APBA2: variants seen among roughly 807,000 people sequenced by gnomAD.
APBA2 encodes the protein amyloid beta precursor protein binding family A member 2.
APBA2 carries 30 observed loss-of-function variants against 75.0 expected under a neutral mutation model. That is an observed-to-expected ratio of 0.40 (90% CI 0.30 to 0.54). APBA2 has a LOEUF of 0.54. Ranked by LOEUF, APBA2 falls within the 20% of genes least tolerant of loss-of-function variation. The pLI, the probability that APBA2 is intolerant of heterozygous loss-of-function variation, is 0.49. For missense variants in APBA2, 801 were observed against 1,016.1 expected, an observed-to-expected ratio of 0.79 and a Z score of 2.88; for synonymous variants, 444 against 409.6, an observed-to-expected ratio of 1.08 and a Z score of -1.01.
At chr15:28,944,096 G>C (rs745749367) in intron 2 of APBA2, among the ~76,000 whole-genome samples, 10 of 152,232 alleles carry the variant, frequency 6.6e-5, no homozygotes, top group Non-Finnish European at 1.5e-4. Flanking sequence ...CTGCAGCCAA[G>C]TGATCTTTTC....
rs546847204 is a variant in APBA2 at position 29,019,848 on chromosome 15, C to T, written c.-41+24042C>T. On this transcript the variant is annotated intron_variant, in intron 3 of 14. Coordinates refer to ENST00000683413, the MANE Select transcript of APBA2 (RefSeq NM_001353788.2). Reference sequence around the variant, plus strand: ...CTTCTCTAGGGGAGAGAGCAAGAAGCAGAAGTGCTGGCTGTCATCTGCATT... The same window carrying T: ...CTTCTCTAGGGGAGAGAGCAAGAAGTAGAAGTGCTGGCTGTCATCTGCATT... Among the ~76,000 whole-genome samples, 3 of 152,358 alleles carry T rather than the reference C, an allele frequency of 2.0e-5. No homozygotes were observed. The South Asian group carries it at 6.2e-4, about 32-fold the overall frequency.
At chr15:28,963,700 A>C (rs1380471145) in intron 2 of APBA2, among the ~76,000 whole-genome samples, 1 of 152,168 alleles carries the variant, frequency 6.6e-6, no homozygotes, top group Non-Finnish European at 1.5e-5. Context: ...CTTGTTTTTT[A>C]CTTTTTATTT....
chr15:29,117,264 T>C lies in APBA2; in HGVS notation c.*131T>C. The C allele has an allele frequency of 2.5e-6, 2 of 786,196 alleles. No individual in the cohort carries two copies. Among genetic ancestry groups the C allele is most frequent in the Admixed American group, 4.6e-5 (2 of 43,572 alleles). The allele number at this position is 786,196 out of a possible 1,614,324, so 48.7% of individuals were successfully genotyped here. On this transcript the variant is annotated 3_prime_UTR_variant, in exon 15 of 15. Transcript: ENST00000683413. ...ACGGACGCTGGCTCCCCAAAGGGTG[T>C]GCCCTCACCACCCACTTGATTTTTT...
At chr15:28,967,534 G>C (rs1387519875) in intron 2 of APBA2, among the ~76,000 whole-genome samples, 1 of 152,030 alleles carries the variant, frequency 6.6e-6, no homozygotes, top group Admixed American at 6.5e-5. Context: ...CGCCTCCCGG[G>C]TTCACACCAT....
chr15:29,034,919 A>G (rs1308627436), intron 3 of APBA2, among the ~76,000 whole-genome samples: 1 of 152,148 alleles, frequency 6.6e-6, no homozygotes, highest in Non-Finnish European at 1.5e-5. Flanking sequence ...GGGTGTTTGA[A>G]CTTTGGATTC....
intron 3 of APBA2, among the ~76,000 whole-genome samples, chr15:29,009,640 A>G (rs1445806874): frequency 6.8e-6 from 1 of 146,180 alleles, no homozygotes; most frequent in Non-Finnish European, 1.5e-5. Context: ...TATTTTTGCA[A>G]ATGTTTGAAT....
chr15:28,917,595 G>T (rs941600689), intron 1 of APBA2, among the ~76,000 whole-genome samples: 9 of 142,426 alleles, frequency 6.3e-5, no homozygotes, highest in South Asian at 2.1e-4. Flanking sequence ...CATTTCCCCT[G>T]TTTCCTCATT....
At chr15:29,114,081 G>A (rs2044902919) in intron 14 of APBA2, 65 bp downstream of exon 14, 1 of 1,609,114 alleles carries the variant, frequency 6.2e-7, no homozygotes, top group Non-Finnish European at 8.5e-7. Context: ...TGCCCTCCAT[G>A]AGCCTCCCCC....
chr15:29,049,890 G>A lies in APBA2; in HGVS notation c.-40-3955G>A, dbSNP rs1329776565. Among the ~76,000 whole-genome samples, 4 of 152,198 alleles carry A rather than the reference G, an allele frequency of 2.6e-5. No homozygotes were observed. In the East Asian group the frequency reaches 7.7e-4, roughly 29 times the overall value. On this transcript the variant is annotated intron_variant, in intron 3 of 14. Coordinates refer to ENST00000683413, the MANE Select transcript of APBA2 (RefSeq NM_001353788.2). ...GAGTGTAAAGTTCAGTGATTTGGAG[G>A]GCAAATTCCAGAGATATTCCAGAAA...
At chr15:29,035,176 T>G (rs1286600443) in intron 3 of APBA2, among the ~76,000 whole-genome samples, 1 of 152,196 alleles carries the variant, frequency 6.6e-6, no homozygotes, top group Non-Finnish European at 1.5e-5. Flanking sequence ...GCTGCTAGGC[T>G]TGGGGCCTGG....
At chr15:29,098,641 T>C (rs1420864933) in intron 9 of APBA2, 65 bp downstream of exon 9, 3 of 1,312,854 alleles carry the variant, frequency 2.3e-6, no homozygotes, top group Admixed American at 1.7e-5. Flanking sequence ...TCTTGTCCCA[T>C]GGTATAGGCC....
intron 1 of APBA2, among the ~76,000 whole-genome samples, chr15:28,915,853 C>T (rs2033666198): frequency 6.6e-6 from 1 of 151,406 alleles, no homozygotes; most frequent in Non-Finnish European, 1.5e-5. Flanking sequence ...ACACACCACA[C>T]ACCACACCCT....
chr15:29,075,535 G>A (rs895555844), intron 5 of APBA2, among the ~76,000 whole-genome samples: 5 of 152,052 alleles, frequency 3.3e-5, no homozygotes, highest in African/African-American at 1.2e-4. Flanking sequence ...TGTCCCTTTG[G>A]GAACAAAAAT....
chr15:28,939,691 A>C (rs1291282828), intron 2 of APBA2, among the ~76,000 whole-genome samples: 1 of 152,222 alleles, frequency 6.6e-6, no homozygotes, highest in Non-Finnish European at 1.5e-5. Context: ...GAGCTGCCTC[A>C]AGGCAGTGGT....
intron 2 of APBA2, among the ~76,000 whole-genome samples, chr15:28,983,053 C>T (rs755074988): frequency 6.6e-6 from 1 of 152,178 alleles, no homozygotes; most frequent in Non-Finnish European, 1.5e-5. Context: ...CTGCCTATTG[C>T]CCACTCATGT....
At chr15:28,917,378 C>T (rs1265431943) in intron 1 of APBA2, among the ~76,000 whole-genome samples, 1 of 152,206 alleles carries the variant, frequency 6.6e-6, no homozygotes, top group Non-Finnish European at 1.5e-5. Context: ...TAGGGTCCGG[C>T]TTGCACTGCA....
At chr15:29,085,707 A>G (rs1211967332) in intron 6 of APBA2, among the ~76,000 whole-genome samples, 1 of 152,090 alleles carries the variant, frequency 6.6e-6, no homozygotes, top group African/African-American at 2.4e-5. Flanking sequence ...AGTCCCGTCA[A>G]TGTGAACCCA....
Position 28,919,009 on chromosome 15 carries a change from G to A in APBA2, c.-204-2631G>A, listed in dbSNP as rs1177553877. Among the ~76,000 whole-genome samples, 5 of 152,050 alleles carry A rather than the reference G, an allele frequency of 3.3e-5. No individual in the cohort carries two copies. In the South Asian group the frequency reaches 6.2e-4, roughly 19 times the overall value. ...GGAGTAGCTGGGACTACAGGCGCCC[G>A]CCACCACGCCCGGCTAATTTTTTGC... is the stretch of plus-strand genomic sequence containing the variant. On this transcript the variant is annotated intron_variant, in intron 1 of 14. Transcript: ENST00000683413.
At position 29,118,267 on chromosome 15, in the gene APBA2, T is replaced by C. The variant is rs1453366894; in HGVS notation, c.*1134T>C. On this transcript the variant is annotated 3_prime_UTR_variant, in exon 15 of 15. Transcript: ENST00000683413. Reference sequence around the variant, plus strand: ...GCCGTGTGTTGCATGCAGCTACCCGTAGGAAGACTTCGCGCATATCACTAA... The same window carrying C: ...GCCGTGTGTTGCATGCAGCTACCCGCAGGAAGACTTCGCGCATATCACTAA... 2 of 152,506 alleles carry C rather than the reference T, an allele frequency of 1.3e-5. No individual in the cohort carries two copies. Among genetic ancestry groups the C allele is most frequent in the East Asian group, 3.9e-4 (2 of 5,192 alleles). The allele number at this position is 152,506 out of a possible 1,614,324, so 9.4% of individuals were successfully genotyped here.
Sources: allele counts gnomAD v4.1 joint callset (sites outside exome capture counted in the v4.1 genomes callset), GRCh38; gene constraint gnomAD v4.1.1; transcripts MANE v1.5; gene names NCBI Gene and HGNC (gene_info 2026-07-23, HGNC 2026-07-21).